Variants in LIN28A observed in about 807,000 individuals in gnomAD.
LIN28A encodes the protein lin-28 RNA binding posttranscriptional regulator A.
LIN28A carries 11 observed loss-of-function variants against 21.1 expected under a neutral mutation model. The ratio of observed to expected loss-of-function variants is 0.52; its 90% CI spans 0.33 to 0.86. LIN28A has a LOEUF of 0.86. Ranked by LOEUF, LIN28A falls within the 40% of genes least tolerant of loss-of-function variation. The pLI, the probability that LIN28A is intolerant of heterozygous loss-of-function variation, is 0.03. For synonymous variants in LIN28A, 111 were observed against 108.7 expected, an observed-to-expected ratio of 1.02 and a Z score of -0.13; for missense variants, 219 against 279.8, an observed-to-expected ratio of 0.78 and a Z score of 1.55.
At chr1:26,414,578 A>G (rs927971389) in intron 2 of LIN28A, among the ~76,000 whole-genome samples, 1 of 152,222 alleles carries the variant, frequency 6.6e-6, no homozygotes, top group Non-Finnish European at 1.5e-5. Context: ...CAAAAAGCAA[A>G]GAGATTTCTA....
At chr1:26,417,078 C>T (rs921811970) in intron 2 of LIN28A, among the ~76,000 whole-genome samples, 2 of 152,326 alleles carry the variant, frequency 1.3e-5, no homozygotes, top group East Asian at 1.9e-4. Context: ...GACAAGATGA[C>T]TGCCCTAAGG....
chr1:26,415,401 C>T (rs1376835586), intron 2 of LIN28A, among the ~76,000 whole-genome samples: 4 of 152,160 alleles, frequency 2.6e-5, no homozygotes, highest in Non-Finnish European at 4.4e-5. Flanking sequence ...GTTTGTAACA[C>T]TGCACCTCTG....
intron 2 of LIN28A, among the ~76,000 whole-genome samples, chr1:26,422,253 G>A (rs866675328): frequency 2.0e-5 from 3 of 151,846 alleles, no homozygotes; most frequent in Non-Finnish European, 2.9e-5. Flanking sequence ...CAAGCAATCC[G>A]CCCATCTTGG....
intron 2 of LIN28A, among the ~76,000 whole-genome samples, chr1:26,412,098 C>T (rs1054163255): frequency 1.3e-5 from 2 of 152,208 alleles, no homozygotes; most frequent in African/African-American, 4.8e-5. Flanking sequence ...CCTGGCTGGT[C>T]ACTAAAAACT....
Position 26,426,465 on chromosome 1 carries a change from A to G in LIN28A, c.*7A>G, listed in dbSNP as rs199541048. The G allele has an allele frequency of 6.6e-5, 106 of 1,608,370 alleles. No homozygotes were observed. The East Asian group carries it at 2.3e-3, about 35-fold the overall frequency. On this transcript the variant is annotated 3_prime_UTR_variant, in exon 4 of 4. Transcript: ENST00000326279. ...CCCGGAGGCACAGAATTGAGCCACA[A>G]TGGGTGGGGGCTATTCTTTTGCTAT...
chr1:26,420,970 C>T (rs2075025364), intron 2 of LIN28A, among the ~76,000 whole-genome samples: 1 of 151,910 alleles, frequency 6.6e-6, no homozygotes, highest in Non-Finnish European at 1.5e-5. Flanking sequence ...ATCAGGAACT[C>T]TGGGTTCATC....
chr1:26,420,420 C>T (rs2075021948), intron 2 of LIN28A, among the ~76,000 whole-genome samples: 1 of 151,894 alleles, frequency 6.6e-6, no homozygotes, highest in Admixed American at 6.6e-5. Flanking sequence ...TTGAGACCAG[C>T]CTGGCCAATA....
chr1:26,414,263 A>G (rs1217612916), intron 2 of LIN28A, among the ~76,000 whole-genome samples: 2 of 151,138 alleles, frequency 1.3e-5, no homozygotes, highest in Non-Finnish European at 3.0e-5. Flanking sequence ...AAAACTTCCC[A>G]TTCTTTGGCT....
intron 2 of LIN28A, among the ~76,000 whole-genome samples, chr1:26,415,346 G>A (rs1247416544): frequency 2.6e-5 from 4 of 152,176 alleles, no homozygotes; most frequent in Non-Finnish European, 1.5e-5. Flanking sequence ...TTTGGTGTTA[G>A]GGTTGCGGGG....
At chr1:26,420,582 C>T (rs1466687038) in intron 2 of LIN28A, among the ~76,000 whole-genome samples, 3 of 128,098 alleles carry the variant, frequency 2.3e-5, no homozygotes, top group Non-Finnish European at 4.7e-5. Flanking sequence ...TCAGCATGGG[C>T]GACAGAGCAA....
chr1:26,423,321 C>T (rs2075037981), intron 2 of LIN28A, among the ~76,000 whole-genome samples: 1 of 151,608 alleles, frequency 6.6e-6, no homozygotes, highest in Non-Finnish European at 1.5e-5. Flanking sequence ...GGATTACAGA[C>T]AGGCATGAGC....
At chr1:26,423,887 G>A (rs917526090) in intron 2 of LIN28A, among the ~76,000 whole-genome samples, 8 of 150,896 alleles carry the variant, frequency 5.3e-5, no homozygotes, top group East Asian at 2.0e-4. Flanking sequence ...CTCAGCCTCC[G>A]GAGTAGCTGG....
intron 2 of LIN28A, among the ~76,000 whole-genome samples, chr1:26,422,857 A>AT (rs1351938552): frequency 1.3e-5 from 2 of 151,886 alleles, no homozygotes; most frequent in Non-Finnish European, 2.9e-5. Flanking sequence ...ATGTTTTTGC[A>AT]TTTTTTCCTT....
chr1:26,423,754 T>G (rs768614563), intron 2 of LIN28A, among the ~76,000 whole-genome samples: 3 of 134,680 alleles, frequency 2.2e-5, no homozygotes, highest in Non-Finnish European at 4.6e-5. Context: ...TTGAGTTTGT[T>G]TTTTTGTTTG....
In LIN28A at chr1:26,420,590, C is replaced by T. The variant is rs1175989819; in HGVS notation, c.229-4713C>T. ...CTGCACTTCAGCATGGGCGACAGAG[C>T]AAGACTTTCTCAAAAAAAAAAAAAA... On this transcript the variant is annotated intron_variant, in intron 2 of 3. Transcript: ENST00000326279. Among the ~76,000 whole-genome samples, 3 of 97,794 alleles carry T rather than the reference C, an allele frequency of 3.1e-5. No homozygotes were observed. In the Admixed American group the frequency reaches 4.1e-4, roughly 13 times the overall value. 64.2% of individuals were successfully genotyped at this position (97,794 alleles called of 152,430 possible).
At position 26,424,664 on chromosome 1, in the gene LIN28A, G is replaced by A. The variant is rs2075048000; in HGVS notation, c.229-639G>A. ...TGGCTCACTGCAACCTCTATAGTGTGACACTTTAAATTTCGTAATTTTATA... is the reference window on the plus strand; with the variant it reads ...TGGCTCACTGCAACCTCTATAGTGTAACACTTTAAATTTCGTAATTTTATA... On this transcript the variant is annotated intron_variant, in intron 2 of 3. Coordinates refer to ENST00000326279, the MANE Select transcript of LIN28A (RefSeq NM_024674.6). Among the ~76,000 whole-genome samples the A allele has an allele frequency of 3.3e-5, 5 of 152,218 alleles. No individual in the cohort carries two copies. In the South Asian group the frequency reaches 1.0e-3, roughly 31 times the overall value.
Position 26,426,568 on chromosome 1 carries a change from C to A in LIN28A, c.*110C>A. The A allele has an allele frequency of 3.7e-6, 3 of 820,036 alleles. No individual in the cohort carries two copies. The highest frequency in any genetic ancestry group is 6.1e-6 in the Non-Finnish European group (3 of 495,056). The allele number at this position is 820,036 out of a possible 1,614,324, so 50.8% of individuals were successfully genotyped here. ...GGGGCTAGTTGGCACTGCCATGTATCTCAGGCTTGGGTTCACACCATCACC... is the reference window on the plus strand; with the variant it reads ...GGGGCTAGTTGGCACTGCCATGTATATCAGGCTTGGGTTCACACCATCACC... On this transcript the variant is annotated 3_prime_UTR_variant, in exon 4 of 4. Transcript: ENST00000326279.
intron 2 of LIN28A, among the ~76,000 whole-genome samples, chr1:26,412,014 G>A (rs1389056036): frequency 6.6e-6 from 1 of 152,228 alleles, no homozygotes; most frequent in Non-Finnish European, 1.5e-5. Context: ...GAGAGAGTGA[G>A]GGCAACTGGC....
rs368869542 is a variant in LIN28A at position 26,416,820 on chromosome 1, T to C, written c.228+5238T>C. ...TTTTAGTAGAGATGGGGTTTCACCA[T>C]GTTAGCCAGGCTGGTCTCGAACTCC... is the stretch of plus-strand genomic sequence containing the variant. On this transcript the variant is annotated intron_variant, in intron 2 of 3. Transcript: ENST00000326279. Among the ~76,000 whole-genome samples the C allele has an allele frequency of 1.6e-3, 245 of 152,142 alleles. 1 individual carries two copies. Among genetic ancestry groups the C allele is most frequent in the African/African-American group, 5.5e-3 (228 of 41,490 alleles).
Sources: gnomAD v4.1 joint callset for allele counts (sites outside exome capture counted in the v4.1 genomes callset) on GRCh38, gnomAD v4.1.1 for gene constraint, MANE v1.5 for transcripts, NCBI Gene and HGNC (gene_info 2026-07-23, HGNC 2026-07-21) for gene names.